UTP14A: variants seen among roughly 807,000 people sequenced by gnomAD.
UTP14A encodes the protein U3 small nucleolar RNA-associated protein 14 homolog A.
In UTP14A, 5 loss-of-function variants were observed where a neutral mutation model predicts 57.2. The ratio of observed to expected loss-of-function variants is 0.09; its 90% CI spans 0.05 to 0.18. The LOEUF (loss-of-function observed/expected upper bound fraction) is 0.18, where lower values mean the gene tolerates loss of function less well. Ranked by LOEUF, UTP14A falls within the 10% of genes least tolerant of loss-of-function variation. The pLI is 1.00. For missense variants in UTP14A, 430 were observed against 562.1 expected, an observed-to-expected ratio of 0.76 and a Z score of 2.38; for synonymous variants, 169 against 210.9, an observed-to-expected ratio of 0.80 and a Z score of 1.72.
intron 11 of UTP14A, chrX:129,922,514 C>T (rs1322365806): frequency 9.0e-6 from 1 of 111,472 alleles, no homozygotes; most frequent in Non-Finnish European, 1.9e-5. Context: ...CCTAAGACCT[C>T]CCAGGCTCAA....
At position 129,921,203 on chromosome X, in the gene UTP14A, G is replaced by T. The variant is rs1191551395; in HGVS notation, c.964G>T (p.Ala322Ser). The T allele has an allele frequency of 1.7e-6, 2 of 1,204,614 alleles. No individual in the cohort carries two copies. The highest frequency in any genetic ancestry group is 1.7e-5 in the African/African-American group (1 of 57,638). The change falls in exon 11 of 15, where the codon GCT (alanine) becomes TCT (serine). Residue 322 changes from alanine (A) to serine (S), a missense_variant. By Grantham distance (99) the Ala-to-Ser change is moderately conservative (BLOSUM62 1). Transcript: ENST00000394422. Reference sequence around the variant, plus strand: ...TGACTCTTTCCTCCAGGCTCGCCAAGCTATGCAGGAACAGTTGTCTAAGAA... The same window carrying T: ...TGACTCTTTCCTCCAGGCTCGCCAATCTATGCAGGAACAGTTGTCTAAGAA... Reference protein sequence around the residue: ...MAKYDLEARQAMQEQLSKNKE... With the variant: ...MAKYDLEARQSMQEQLSKNKE...
intron 11 of UTP14A, 128 bp downstream of exon 11, chrX:129,921,715 G>A (rs1027171549): frequency 1.8e-5 from 12 of 672,212 alleles, no homozygotes; most frequent in South Asian, 1.1e-4. Flanking sequence ...GCAAGAGTGC[G>A]TACACTGGAT....
intron 6 of UTP14A, among the ~76,000 whole-genome samples, chrX:129,914,963 G>C (rs1929624734): frequency 8.9e-6 from 1 of 112,663 alleles, no homozygotes. Flanking sequence ...TGTAATCCCA[G>C]CACTTTGGAA....
intron 8 of UTP14A, among the ~76,000 whole-genome samples, chrX:129,919,757 T>C (rs763202404): frequency 1.9e-4 from 21 of 112,178 alleles, no homozygotes; most frequent in African/African-American, 6.1e-4. Context: ...TTAAGGCCAA[T>C]AGGGCTTCCT....
In UTP14A at chrX:129,929,654, G is replaced by T. The variant is rs768351092; in HGVS notation, c.*46G>T. On this transcript the variant is annotated 3_prime_UTR_variant, in exon 15 of 15. Coordinates refer to ENST00000394422, the MANE Select transcript of UTP14A (RefSeq NM_006649.4). The stretch of plus-strand genomic sequence containing the variant: ...CAGGAGCCCTGACTTCACTTCCTTT[G>T]GTCCAGTTTTACTCTGATACAGGGT... The T allele has an allele frequency of 3.6e-5, 43 of 1,185,083 alleles. No homozygotes were observed. Among genetic ancestry groups the T allele is most frequent in the Non-Finnish European group, 4.7e-5 (41 of 879,264 alleles).
In UTP14A at chrX:129,911,928, A is replaced by G; in HGVS notation, c.537+7A>G. 8.3e-7 allele frequency: 1 copy of G among 1,207,715 alleles called. No homozygotes were observed. Among genetic ancestry groups the G allele is most frequent in the Non-Finnish European group, 1.1e-6 (1 of 893,158 alleles). On this transcript the variant is annotated splice_region_variant and intron_variant, in intron 6 of 14. Coordinates refer to ENST00000394422, the MANE Select transcript of UTP14A (RefSeq NM_006649.4). ...TGTGCTCAGTGGCTGGAAGGTGAGTACAACAAAATGAAACTGAAAGGTGAG... is the reference window on the plus strand; with the variant it reads ...TGTGCTCAGTGGCTGGAAGGTGAGTGCAACAAAATGAAACTGAAAGGTGAG...
Position 129,908,803 on chromosome X carries a change from AC to A in UTP14A, c.238+76del, listed in dbSNP as rs773830611. ...GTTCCAAGGGCATTGTGTTCACCTC[AC>A]CCCCCCTAGGAACTGTTTTTGATGT... On this transcript the variant is annotated intron_variant, in intron 4 of 14. Coordinates refer to ENST00000394422, the MANE Select transcript of UTP14A (RefSeq NM_006649.4). The A allele has an allele frequency of 6.2e-5, 63 of 1,016,933 alleles. No homozygotes were observed. In the African/African-American group the frequency reaches 1.1e-3, roughly 17 times the overall value. The allele number at this position is 1,016,933 out of a possible 1,213,427, so 83.8% of individuals were successfully genotyped here.
At chrX:129,914,911 A>G (rs1175836893) in intron 6 of UTP14A, among the ~76,000 whole-genome samples, 4 of 112,611 alleles carry the variant, frequency 3.6e-5, no homozygotes, top group Non-Finnish European at 7.5e-5. Context: ...TTAGCATTTT[A>G]AAGTCTATGA....
intron 6 of UTP14A, among the ~76,000 whole-genome samples, chrX:129,917,604 C>T (rs1311657695): frequency 2.7e-5 from 3 of 112,014 alleles, no homozygotes; most frequent in Non-Finnish European, 5.6e-5. Flanking sequence ...TAACTGGAAA[C>T]TGAGGAATTG....
At chrX:129,924,428 G>A (rs868158734) in intron 11 of UTP14A, among the ~76,000 whole-genome samples, 21 of 108,997 alleles carry the variant, frequency 1.9e-4, no homozygotes, top group African/African-American at 5.7e-4. Context: ...CTGGACTACA[G>A]GCACATGCCA....
chrX:129,915,619 T>C (rs1929660670), intron 6 of UTP14A, among the ~76,000 whole-genome samples: 1 of 111,241 alleles, frequency 9.0e-6, no homozygotes, highest in South Asian at 3.7e-4. Context: ...TATTAAAATT[T>C]CAAAAAAATT....
intron 8 of UTP14A, 91 bp from the exon 9 acceptor site, chrX:129,920,365 GC>G (rs1478746731): frequency 2.9e-5 from 34 of 1,164,945 alleles, no homozygotes; most frequent in Non-Finnish European, 3.6e-5. Context: ...CCAGCCCCCT[GC>G]CTAGGGAACC....
At chrX:129,908,590 G>A (rs1442985408) in intron 3 of UTP14A, 80 bp from the exon 4 acceptor site, 3 of 928,974 alleles carry the variant, frequency 3.2e-6, no homozygotes, top group Non-Finnish European at 4.7e-6. Context: ...CCTGTTTGAA[G>A]AGAGAAGTGT....
At chrX:129,927,704 A>G (rs184204166) in intron 14 of UTP14A, among the ~76,000 whole-genome samples, 2 of 111,283 alleles carry the variant, frequency 1.8e-5, no homozygotes, top group East Asian at 5.7e-4. Context: ...ACAGGGTTTC[A>G]CCATGTTGGC....
chrX:129,924,014 G>A (rs756272881), intron 11 of UTP14A, among the ~76,000 whole-genome samples: 1 of 107,723 alleles, frequency 9.3e-6, no homozygotes, highest in South Asian at 4.1e-4. Flanking sequence ...CTAGTATGCA[G>A]TGGCACAGTC....
rs141835123 is a variant in UTP14A, at chrX:129,929,549, A to C, written c.2257A>C (p.Asn753His). The C allele has an allele frequency of 3.5e-3, 4,248 of 1,209,726 alleles. 9 individuals carry two copies. Among genetic ancestry groups the C allele is most frequent in the Non-Finnish European group, 4.5e-3 (4,000 of 895,165 alleles). ...GTCGGACCTGTCTGTCATACAGAGGAATCCAAAACGAATCACCACACGTCA... is the reference window on the plus strand; with the variant it reads ...GTCGGACCTGTCTGTCATACAGAGGCATCCAAAACGAATCACCACACGTCA... The part of the protein sequence containing the change: ...SRSDLSVIQR[N>H]PKRITTRHKK... Residue 753 changes from asparagine (N) to histidine (H), a missense_variant, in exon 15 of 15, where the codon AAT (asparagine) becomes CAT (histidine). Around this residue, in one of 4 missense-constraint regions of UTP14A, gnomAD observed 82 missense variants for 151.4 expected, o/e 0.54. Coordinates refer to ENST00000394422, the MANE Select transcript of UTP14A (RefSeq NM_006649.4).
At position 129,925,124 on chromosome X, in the gene UTP14A, G is replaced by A; in HGVS notation, c.1678G>A (p.Asp560Asn). 1.7e-6 allele frequency: 2 copies of A among 1,211,713 alleles called. No individual in the cohort carries two copies. The highest frequency in any genetic ancestry group is 2.2e-6 in the Non-Finnish European group (2 of 895,516). The change falls in exon 12 of 15, where the codon GAC (aspartate) becomes AAC (asparagine). Residue 560 changes from aspartate to asparagine, a missense_variant. Around this residue, in one of 4 missense-constraint regions of UTP14A, gnomAD observed 120 missense variants for 116.8 expected, o/e 1.03. Coordinates refer to ENST00000394422, the MANE Select transcript of UTP14A (RefSeq NM_006649.4). Reference protein sequence around the residue: ...KEKKKKEQMIDLQNLLTTQSP... With the variant: ...KEKKKKEQMINLQNLLTTQSP... ...GAAGAAAAAGAAGGAGCAAATGATC[G>A]ACCTACAGAACCTCCTAACCACACA...
chrX:129,908,623 C>G, intron 3 of UTP14A, 47 bp from the exon 4 acceptor site: 2 of 1,133,549 alleles, frequency 1.8e-6, no homozygotes, highest in Non-Finnish European at 2.4e-6. Context: ...ACCCCAAGCC[C>G]CCATAAAATT....
intron 8 of UTP14A, 89 bp downstream of exon 8, chrX:129,919,578 A>C: frequency 1.0e-6 from 1 of 989,546 alleles, no homozygotes; most frequent in Non-Finnish European, 1.4e-6. Flanking sequence ...CCTTTGATGC[A>C]GCAACTAGAG....
Sources: gnomAD v4.1 joint callset for allele counts (sites outside exome capture counted in the v4.1 genomes callset) on GRCh38, gnomAD v4.1.1 for gene constraint, gnomAD v4.1.1 regional missense constraint, MANE v1.5 for transcripts, NCBI Gene and HGNC (gene_info 2026-07-23, HGNC 2026-07-21) for gene names.